Variants in OTUD7A observed in about 807,000 individuals in gnomAD.
The protein encoded by OTUD7A is OTU deubiquitinase 7A.
Under a neutral mutation model 65.7 loss-of-function variants are expected in OTUD7A, and 12 were observed. That is an observed-to-expected ratio of 0.18 (90% CI 0.12 to 0.30). OTUD7A has a LOEUF of 0.30. OTUD7A is among the 10% of genes least tolerant of loss of function. The probability of loss-of-function intolerance (pLI) is 1.00; values close to 1 mark genes in which losing one functional copy is unlikely to be tolerated. For synonymous variants in OTUD7A, 641 were observed against 586.3 expected (o/e 1.09, Z -1.35); for missense variants, 1,148 against 1,304.8 (o/e 0.88, Z 1.85).
intron 1 of OTUD7A, among the ~76,000 whole-genome samples, chr15:31,690,934 T>C (rs11071281): frequency 0.66 from 100,417 of 151,762 alleles, 35,883 homozygotes; most frequent in South Asian, 0.84. Context: ...ATAGATAAAA[T>C]GGACTTCATC....
chr15:31,838,851 C>T (rs1251367060), intron 1 of OTUD7A, among the ~76,000 whole-genome samples: 1 of 152,220 alleles, frequency 6.6e-6, no homozygotes, highest in African/African-American at 2.4e-5. Context: ...CTACTCCTAA[C>T]TGATCTTGAA....
chr15:31,482,215 C>G lies in OTUD7A; in HGVS notation c.*1079G>C, dbSNP rs1295764209. On this transcript the variant is annotated 3_prime_UTR_variant, in exon 13 of 13. Coordinates refer to ENST00000307050, the MANE Select transcript of OTUD7A (RefSeq NM_001382637.1). ...CGAGACGGAGGCAGGGTCGTCCTGC[C>G]CCGTGGAGGGGCCACGATCACAGTG... 1 of 152,232 alleles carries G rather than the reference C, an allele frequency of 6.6e-6. No homozygotes were observed. The highest frequency in any genetic ancestry group is 1.5e-5 in the Non-Finnish European group (1 of 68,034). The allele number at this position is 152,232 out of a possible 1,614,324, so 9.4% of individuals were successfully genotyped here.
chr15:31,816,333 A>G lies in OTUD7A; in HGVS notation c.-100+54174T>C, dbSNP rs116165630. Among the ~76,000 whole-genome samples the G allele has an allele frequency of 9.1e-3, 1,379 of 152,300 alleles. 24 individuals are homozygous for G. Among genetic ancestry groups the G allele is most frequent in the African/African-American group, 0.032 (1,314 of 41,554 alleles). On this transcript the variant is annotated intron_variant, in intron 1 of 12. Coordinates refer to ENST00000307050, the MANE Select transcript of OTUD7A (RefSeq NM_001382637.1). The stretch of plus-strand genomic sequence containing the variant: ...AAAAGGGAGGAAAAAGCTGTCTAAA[A>G]TACTAGTCAGTTTCTTCCCCTTAAC...
intron 1 of OTUD7A, among the ~76,000 whole-genome samples, chr15:31,683,807 T>G (rs1892775215): frequency 1.3e-5 from 2 of 152,130 alleles, no homozygotes; most frequent in Admixed American, 6.5e-5. Flanking sequence ...TTTGGTACTT[T>G]TTATATCAAA....
chr15:31,827,118 T>C (rs1452024299), intron 1 of OTUD7A, among the ~76,000 whole-genome samples: 2 of 152,216 alleles, frequency 1.3e-5, no homozygotes, highest in African/African-American at 4.8e-5. Flanking sequence ...TTCAGCAACA[T>C]CCCACTCTAC....
intron 8 of OTUD7A, among the ~76,000 whole-genome samples, chr15:31,510,478 T>C (rs2041670371): frequency 6.8e-6 from 1 of 146,648 alleles, no homozygotes; most frequent in East Asian, 2.0e-4. Context: ...TTTGAATATA[T>C]ATATGTATGT....
chr15:31,696,151 G>A (rs1893077854), intron 1 of OTUD7A, among the ~76,000 whole-genome samples: 1 of 147,050 alleles, frequency 6.8e-6, no homozygotes, highest in Admixed American at 6.8e-5. Flanking sequence ...GTTGAGGGGG[G>A]CACAAGGGGC....
Position 31,551,797 on chromosome 15 carries a change from G to A in OTUD7A, c.550+7172C>T, listed in dbSNP as rs369104864. Among the ~76,000 whole-genome samples the A allele has an allele frequency of 1.6e-3, 240 of 152,108 alleles. 2 individuals are homozygous for A. Among genetic ancestry groups the A allele is most frequent in the African/African-American group, 5.5e-3 (229 of 41,346 alleles). ...GGATGTCCCCTCTCTGGGCATCACTGTGCTTTGCACGTGCTTCTGTGAGAG... is the reference window on the plus strand; with the variant it reads ...GGATGTCCCCTCTCTGGGCATCACTATGCTTTGCACGTGCTTCTGTGAGAG... On this transcript the variant is annotated intron_variant, in intron 5 of 12. Coordinates refer to ENST00000307050, the MANE Select transcript of OTUD7A (RefSeq NM_001382637.1).
rs1356123516 is a variant in OTUD7A at position 31,570,025 on chromosome 15, A to G, written c.324T>C (p.Ile108=). The G allele has an allele frequency of 1.9e-6, 3 of 1,613,950 alleles. No homozygotes were observed. Among genetic ancestry groups the G allele is most frequent in the Non-Finnish European group, 2.5e-6 (3 of 1,180,012 alleles). Residue 108 remains isoleucine, a synonymous_variant, in exon 4 of 13, where the codon ATT becomes ATC. Transcript: ENST00000307050. ...ERPCLQRQDD[I]AQEKRLSRGI... ...TCAGTCCCTCAGCGGTACCTTGGGC[A>G]ATGTCGTCCTGCCTCTGCAGGCAGG... is the stretch of plus-strand genomic sequence containing the variant.
chr15:31,641,108 G>C (rs1323778201), intron 3 of OTUD7A, among the ~76,000 whole-genome samples: 2 of 152,078 alleles, frequency 1.3e-5, no homozygotes, highest in Non-Finnish European at 2.9e-5. Context: ...TGGATCATGG[G>C]GGCAGTTTCC....
chr15:31,831,760 C>T (rs748231830), intron 1 of OTUD7A, among the ~76,000 whole-genome samples: 30 of 152,214 alleles, frequency 2.0e-4, no homozygotes, highest in Admixed American at 1.2e-3. Context: ...GGAAAGTAGC[C>T]AAGCAACCCC....
At chr15:31,713,043 T>C (rs567006379) in intron 1 of OTUD7A, among the ~76,000 whole-genome samples, 20 of 152,320 alleles carry the variant, frequency 1.3e-4, no homozygotes, top group African/African-American at 4.8e-4. Context: ...TGACATTCTG[T>C]TGCATGTGGC....
intron 1 of OTUD7A, among the ~76,000 whole-genome samples, chr15:31,796,775 C>T (rs1416759420): frequency 2.0e-5 from 3 of 152,196 alleles, no homozygotes; most frequent in African/African-American, 2.4e-5. Context: ...TGCTCTGTTG[C>T]CCAGTCTGGA....
At chr15:31,864,587 A>G (rs1418684477) in intron 1 of OTUD7A, among the ~76,000 whole-genome samples, 1 of 152,152 alleles carries the variant, frequency 6.6e-6, no homozygotes, top group Non-Finnish European at 1.5e-5. Flanking sequence ...CCCATGATTC[A>G]GTTACCTCCC....
At position 31,482,520 on chromosome 15, in the gene OTUD7A, G is replaced by A. The variant is rs2041141654; in HGVS notation, c.*774C>T. On this transcript the variant is annotated 3_prime_UTR_variant, in exon 13 of 13. Transcript: ENST00000307050. ...ATCCAAATTGTGAGATGGGAACCCT[G>A]CTTTTTGGACCCTAGGTGTCTTTGG... 1 of 152,324 alleles carries A rather than the reference G, an allele frequency of 6.6e-6. No homozygotes were observed. Among genetic ancestry groups the A allele is most frequent in the Non-Finnish European group, 1.5e-5 (1 of 68,122 alleles). 9.4% of individuals were successfully genotyped at this position (152,324 alleles called of 1,614,324 possible). A position where few individuals can be genotyped will look rare whatever the true frequency, so the allele number is the denominator to read the frequency against.
chr15:31,501,667 ACT>A (rs1566886055), intron 10 of OTUD7A, 21 bp downstream of exon 10: 1 of 1,613,564 alleles, frequency 6.2e-7, no homozygotes, highest in East Asian at 2.2e-5. Flanking sequence ...TCCTGCGTGC[ACT>A]CTCTTGGGAG....
intron 3 of OTUD7A, among the ~76,000 whole-genome samples, chr15:31,640,970 A>G (rs1891497167): frequency 6.6e-6 from 1 of 152,112 alleles, no homozygotes; most frequent in Admixed American, 6.5e-5. Flanking sequence ...CTGTACTCTT[A>G]TGAGTTTTAA....
intron 3 of OTUD7A, among the ~76,000 whole-genome samples, chr15:31,599,086 A>C (rs926675157): frequency 1.3e-5 from 2 of 152,232 alleles, no homozygotes; most frequent in Non-Finnish European, 2.9e-5. Context: ...CAGCTTCAGC[A>C]GACTTAAATA....
At chr15:31,679,753 GC>G (rs1892671662) in intron 1 of OTUD7A, among the ~76,000 whole-genome samples, 1 of 152,086 alleles carries the variant, frequency 6.6e-6, no homozygotes, top group Non-Finnish European at 1.5e-5. Flanking sequence ...CCAATCTTGG[GC>G]AGCTCTTTAT....
Sources: allele counts gnomAD v4.1 joint callset (sites outside exome capture counted in the v4.1 genomes callset), GRCh38; gene constraint gnomAD v4.1.1; transcripts MANE v1.5; gene names NCBI Gene and HGNC (gene_info 2026-07-23, HGNC 2026-07-21).